ZFP64: variants seen among roughly 807,000 people sequenced by gnomAD.
The protein encoded by ZFP64 is zinc finger protein 64.
Under a neutral mutation model 51.6 loss-of-function variants are expected in ZFP64, and 14 were observed. The ratio of observed to expected loss-of-function variants is 0.27; its 90% CI spans 0.18 to 0.42. The LOEUF (loss-of-function observed/expected upper bound fraction) is 0.42, where lower values mean the gene tolerates loss of function less well. ZFP64 is among the 10% of genes least tolerant of loss of function. The pLI, the probability that ZFP64 is intolerant of heterozygous loss-of-function variation, is 1.00. For synonymous variants in ZFP64, 375 were observed against 361.4 expected, an observed-to-expected ratio of 1.04 and a Z score of -0.43; for missense variants, 754 against 906.8, an observed-to-expected ratio of 0.83 and a Z score of 2.16.
chr20:52,123,811 C>T (rs1338721489), intron 5 of ZFP64, among the ~76,000 whole-genome samples: 1 of 149,460 alleles, frequency 6.7e-6, no homozygotes, highest in African/African-American at 2.5e-5. Flanking sequence ...TCTCCAGCCC[C>T]TAGAGGGTGG....
chr20:52,190,437 G>T (rs899968912), intron 1 of ZFP64, among the ~76,000 whole-genome samples: 31 of 152,120 alleles, frequency 2.0e-4, no homozygotes, highest in South Asian at 1.0e-3. Context: ...AAAAATGGGA[G>T]GAGAGGTTTC....
chr20:52,140,792 C>T (rs968948334), intron 5 of ZFP64, among the ~76,000 whole-genome samples: 2 of 152,040 alleles, frequency 1.3e-5, no homozygotes, highest in African/African-American at 2.4e-5. Flanking sequence ...TAGATAAAAC[C>T]GTCTCCTACT....
chr20:52,176,509 T>C (rs1381624321), intron 2 of ZFP64, among the ~76,000 whole-genome samples: 7 of 148,842 alleles, frequency 4.7e-5, no homozygotes, highest in African/African-American at 1.8e-4. Context: ...ATCTCTCTTT[T>C]TTTTTTTTTT....
chr20:52,190,152 A>G (rs1176291839), intron 1 of ZFP64, among the ~76,000 whole-genome samples: 2 of 152,214 alleles, frequency 1.3e-5, no homozygotes, highest in Non-Finnish European at 2.9e-5. Context: ...GCACTTTGCA[A>G]TCAATGGATG....
chr20:52,166,068 C>T (rs755452796), intron 2 of ZFP64, 43 bp from the exon 3 acceptor site: 14 of 1,563,988 alleles, frequency 9.0e-6, no homozygotes, highest in African/African-American at 2.8e-5. Flanking sequence ...TATAAATGCC[C>T]GCTAGCTATG....
chr20:52,103,127 G>A (rs1299048805), intron 5 of ZFP64, among the ~76,000 whole-genome samples: 1 of 152,168 alleles, frequency 6.6e-6, no homozygotes, highest in Non-Finnish European at 1.5e-5. Flanking sequence ...CTCTGCCTCT[G>A]GAAGTGGGGG....
chr20:52,097,347 A>G, intron 7 of ZFP64: 2 of 1,605,928 alleles, frequency 1.2e-6, no homozygotes, highest in Non-Finnish European at 1.7e-6. Context: ...TTTCTTACTG[A>G]GCTGTTGAAC....
chr20:52,144,757 A>G (rs1294704218), intron 5 of ZFP64, among the ~76,000 whole-genome samples: 1 of 151,936 alleles, frequency 6.6e-6, no homozygotes, highest in African/African-American at 2.4e-5. Flanking sequence ...GAAACCCCAA[A>G]ACCAGTAGTA....
At chr20:52,144,599 A>AAAAAAAAAAAAAAAAAAAAAC (rs1980430227) in intron 5 of ZFP64, among the ~76,000 whole-genome samples, 1 of 149,258 alleles carries the variant, frequency 6.7e-6, no homozygotes, top group Non-Finnish European at 1.5e-5. Context: ...AAAAAAAAAA[A>AAAAAAAAAAAAAAAAAAAAAC]AAATGCTGAA....
At chr20:52,099,682 GTATGA>G (rs2079030144) in intron 5 of ZFP64, among the ~76,000 whole-genome samples, 1 of 152,196 alleles carries the variant, frequency 6.6e-6, no homozygotes, top group Admixed American at 6.5e-5. Context: ...TTTACAAGTT[GTATGA>G]TATGTGAATT....
At position 52,191,197 on chromosome 20, in the gene ZFP64, T is replaced by C. The variant is rs1984339589; in HGVS notation, c.46+394A>G. 6.6e-6 allele frequency among the ~76,000 whole-genome samples: 1 copy of C among 152,178 alleles called. No individual in the cohort carries two copies. Among genetic ancestry groups the C allele is most frequent in the Admixed American group, 6.5e-5 (1 of 15,282 alleles). On this transcript the variant is annotated intron_variant, in intron 1 of 5. Coordinates refer to ENST00000216923, the MANE Select transcript of ZFP64 (RefSeq NM_018197.3). The surrounding 1 kb of genome is among the most constrained non-coding windows in gnomAD (Gnocchi z 4.3). ...TCTCCAGGCTCTAATTTTGAGCCAC[T>C]GAGGCAGAAGTTTTCCCATCAGTGT...
At chr20:52,164,369 G>A (rs888576740) in intron 4 of ZFP64, among the ~76,000 whole-genome samples, 2 of 152,112 alleles carry the variant, frequency 1.3e-5, no homozygotes, top group Non-Finnish European at 2.9e-5. Flanking sequence ...ATATGAACTC[G>A]TAGGGTCATC....
At chr20:52,088,723 G>A in intron 7 of ZFP64, 2 of 1,586,742 alleles carry the variant, frequency 1.3e-6, no homozygotes, top group South Asian at 1.1e-5. Flanking sequence ...GATAGCCTGG[G>A]CATATGGGTG....
chr20:52,164,058 C>T (rs1315219227), intron 4 of ZFP64, among the ~76,000 whole-genome samples: 1 of 152,104 alleles, frequency 6.6e-6, no homozygotes, highest in Non-Finnish European at 1.5e-5. Flanking sequence ...CACCTGTAAA[C>T]CTAGCACTTT....
intron 8 of ZFP64, among the ~76,000 whole-genome samples, chr20:52,088,067 G>A (rs1354300617): frequency 6.6e-6 from 1 of 152,158 alleles, no homozygotes; most frequent in Non-Finnish European, 1.5e-5. Context: ...ATTTAGCCAT[G>A]CAATCAGTGT....
chr20:52,090,787 A>C (rs1234553725), intron 7 of ZFP64, among the ~76,000 whole-genome samples: 7 of 140,112 alleles, frequency 5.0e-5, no homozygotes, highest in Non-Finnish European at 1.1e-4. Flanking sequence ...TGACAGAGCA[A>C]GATTTTTTTT....
At position 52,098,375 on chromosome 20, in the gene ZFP64, C is replaced by T. The variant is rs1023408165; in HGVS notation, c.913+63G>A. ...CATGAGCAGGCAGCTCAGAGATTCA[C>T]GTAGGGCTTGCAGATCAGTGCTTGG... On this transcript the variant is annotated intron_variant, in intron 6 of 8. Coordinates refer to the ZFP64 transcript ENST00000361387. The T allele has an allele frequency of 6.9e-5, 109 of 1,591,232 alleles. No homozygotes were observed. The African/African-American group carries it at 7.4e-4, about 11-fold the overall frequency.
intron 5 of ZFP64, among the ~76,000 whole-genome samples, chr20:52,125,237 G>A (rs1253357976): frequency 6.6e-6 from 1 of 152,190 alleles, no homozygotes; most frequent in Non-Finnish European, 1.5e-5. Context: ...ACACACACCA[G>A]AAACTGACAT....
intron 5 of ZFP64, among the ~76,000 whole-genome samples, chr20:52,109,786 A>G (rs1238533601): frequency 6.7e-6 from 1 of 148,904 alleles, no homozygotes; most frequent in East Asian, 1.9e-4. Context: ...ACCTCAAAAA[A>G]AAAAAAAAAA....
Sources: allele counts gnomAD v4.1 joint callset (sites outside exome capture counted in the v4.1 genomes callset), GRCh38; gene constraint gnomAD v4.1.1; non-coding constraint Gnocchi (gnomAD v3.1); transcripts MANE v1.5; gene names NCBI Gene and HGNC (gene_info 2026-07-23, HGNC 2026-07-21).